The following SMYD3 variants were observed in gnomAD, a reference collection of about 807,000 sequenced individuals.
SMYD3 encodes the protein SET and MYND domain containing 3.
In SMYD3, 36 loss-of-function variants were observed where a neutral mutation model predicts 57.7. The observed-to-expected ratio is 0.62, with a 90% CI of 0.48 to 0.82. The LOEUF (loss-of-function observed/expected upper bound fraction) is 0.82, where lower values mean the gene tolerates loss of function less well. SMYD3 is among the 40% of genes least tolerant of loss of function. The probability of loss-of-function intolerance (pLI) is 0.00; values close to 1 mark genes in which losing one functional copy is unlikely to be tolerated. For synonymous variants in SMYD3, 211 were observed against 195.0 expected (o/e 1.08, Z -0.68); for missense variants, 515 against 538.8 (o/e 0.96, Z 0.44).
intron 1 of SMYD3, among the ~76,000 whole-genome samples, chr1:246,368,951 A>T (rs991920658): frequency 6.6e-6 from 1 of 152,214 alleles, no homozygotes; most frequent in African/African-American, 2.4e-5. Context: ...TAATAAACTC[A>T]TATATACAGA....
At chr1:246,056,128 T>C (rs777148924) in intron 5 of SMYD3, among the ~76,000 whole-genome samples, 3 of 152,168 alleles carry the variant, frequency 2.0e-5, no homozygotes, top group African/African-American at 4.8e-5. Flanking sequence ...TTCATGGGTA[T>C]ATAAAACTGT....
At chr1:246,048,890 T>G (rs2153024) in intron 5 of SMYD3, among the ~76,000 whole-genome samples, 1 of 151,998 alleles carries the variant, frequency 6.6e-6, no homozygotes, top group Non-Finnish European at 1.5e-5. Context: ...TCACTTACCA[T>G]TGCCTGAACA....
Position 246,125,042 on chromosome 1 carries a change from A to C in SMYD3, c.532-195105T>G, listed in dbSNP as rs113558774. Among the ~76,000 whole-genome samples the C allele has an allele frequency of 8.9e-3, 1,326 of 148,512 alleles. 18 individuals are homozygous for C. Among genetic ancestry groups the C allele is most frequent in the African/African-American group, 0.031 (1,236 of 39,934 alleles). ...AGCCGAGATCGCGCCACTGCACTCC[A>C]GCCTGGGCGACAGAGCGAGACTCCG... On this transcript the variant is annotated intron_variant, in intron 5 of 11. Transcript: ENST00000490107.
chr1:246,210,872 C>T (rs1320616509), intron 5 of SMYD3, among the ~76,000 whole-genome samples: 1 of 152,094 alleles, frequency 6.6e-6, no homozygotes, highest in East Asian at 1.9e-4. Context: ...GGAGGAAATG[C>T]AGGGCTTCAA....
At chr1:245,952,186 G>A (rs2057678731) in intron 5 of SMYD3, among the ~76,000 whole-genome samples, 1 of 152,036 alleles carries the variant, frequency 6.6e-6, no homozygotes, top group South Asian at 2.1e-4. Context: ...TGGGTGGGAG[G>A]GAGATTATTA....
intron 8 of SMYD3, among the ~76,000 whole-genome samples, chr1:245,866,607 C>T (rs1444156672): frequency 6.6e-6 from 1 of 152,118 alleles, no homozygotes; most frequent in Non-Finnish European, 1.5e-5. Flanking sequence ...TGGCACACGC[C>T]TGTAATCCCA....
intron 5 of SMYD3, among the ~76,000 whole-genome samples, chr1:246,190,584 C>CAAAAAAAAAAAAAAAAAAAAAA (rs11302731): frequency 1.6e-5 from 1 of 63,008 alleles, no homozygotes; most frequent in Non-Finnish European, 2.8e-5. Flanking sequence ...GACTCTGTCT[C>CAAAAAAAAAAAAAAAAAAAAAA]AAAAAAAAAA....
chr1:246,282,305 C>CAAAAAAAAAAAAAAAAAAAAAAAAA (rs57740230), intron 5 of SMYD3, among the ~76,000 whole-genome samples: 3 of 67,954 alleles, frequency 4.4e-5, no homozygotes, highest in African/African-American at 6.8e-5. Context: ...CTCATCTCTA[C>CAAAAAAAAAAAAAAAAAAAAAAAAA]AAAAAAAAAA....
chr1:246,306,604 T>C (rs1467422144), intron 5 of SMYD3, among the ~76,000 whole-genome samples: 1 of 152,188 alleles, frequency 6.6e-6, no homozygotes. Flanking sequence ...TAAACCTCTA[T>C]CTCCAATTTA....
intron 10 of SMYD3, among the ~76,000 whole-genome samples, chr1:245,835,885 T>A (rs1339619881): frequency 1.3e-5 from 2 of 152,176 alleles, no homozygotes; most frequent in Non-Finnish European, 2.9e-5. Context: ...CTGTTCTCCG[T>A]CGACGTGACT....
chr1:246,462,085 C>T (rs907171405), intron 1 of SMYD3, among the ~76,000 whole-genome samples: 6 of 152,272 alleles, frequency 3.9e-5, no homozygotes, highest in Non-Finnish European at 8.8e-5. Context: ...GGATAGGAGG[C>T]ATCCAGGTGA....
At chr1:246,468,378 C>T (rs981946605) in intron 1 of SMYD3, among the ~76,000 whole-genome samples, 10 of 151,886 alleles carry the variant, frequency 6.6e-5, no homozygotes, top group Non-Finnish European at 1.5e-4. Flanking sequence ...TGGTAGCTCA[C>T]ATCTGTAATC....
intron 11 of SMYD3, among the ~76,000 whole-genome samples, chr1:245,749,996 G>C (rs1310757641): frequency 1.3e-5 from 2 of 152,126 alleles, no homozygotes; most frequent in Non-Finnish European, 2.9e-5. Flanking sequence ...TCATATGAAA[G>C]ACCATGCTGC....
chr1:245,784,776 G>A (rs1558334411), intron 10 of SMYD3, among the ~76,000 whole-genome samples: 1 of 151,774 alleles, frequency 6.6e-6, no homozygotes, highest in Non-Finnish European at 1.5e-5. Flanking sequence ...CACTTCTGCT[G>A]CATTCTAGCA....
chr1:246,372,845 C>T (rs746777644), intron 1 of SMYD3, among the ~76,000 whole-genome samples: 4 of 152,146 alleles, frequency 2.6e-5, no homozygotes, highest in Non-Finnish European at 4.4e-5. Context: ...ATTTCATTTT[C>T]CATAAAGTTT....
intron 8 of SMYD3, among the ~76,000 whole-genome samples, chr1:245,881,923 A>G (rs961494827): frequency 6.6e-6 from 1 of 152,212 alleles, no homozygotes; most frequent in African/African-American, 2.4e-5. Flanking sequence ...GGCATATTCC[A>G]GCCGTGAGCC....
intron 5 of SMYD3, among the ~76,000 whole-genome samples, chr1:246,069,925 G>A (rs1443372322): frequency 6.6e-6 from 1 of 152,190 alleles, no homozygotes; most frequent in Non-Finnish European, 1.5e-5. Flanking sequence ...CCTACGTGGA[G>A]CCTTAGTTTG....
intron 3 of SMYD3, among the ~76,000 whole-genome samples, chr1:246,332,094 G>C (rs543321476): frequency 6.6e-6 from 1 of 152,320 alleles, no homozygotes; most frequent in African/African-American, 2.4e-5. Flanking sequence ...ATAAGTGAAA[G>C]GACGAGTCAC....
chr1:245,907,150 T>C (rs2054622607), intron 8 of SMYD3, among the ~76,000 whole-genome samples: 1 of 152,176 alleles, frequency 6.6e-6, no homozygotes, highest in Non-Finnish European at 1.5e-5. Context: ...TACTATTTGA[T>C]AGCACAATAG....
Sources: gnomAD v4.1 joint callset for allele counts (sites outside exome capture counted in the v4.1 genomes callset) on GRCh38, gnomAD v4.1.1 for gene constraint, MANE v1.5 for transcripts, NCBI Gene and HGNC (gene_info 2026-07-23, HGNC 2026-07-21) for gene names.